CCDC30: variants seen among roughly 807,000 people sequenced by gnomAD.
CCDC30 encodes coiled-coil domain containing 30.
A neutral mutation model predicts 100.2 loss-of-function variants in CCDC30; 70 were observed. The observed-to-expected ratio is 0.70, with a 90% CI of 0.58 to 0.85. The LOEUF is 0.85. Ranked by LOEUF, CCDC30 falls within the 40% of genes least tolerant of loss-of-function variation. The probability of loss-of-function intolerance (pLI) is 0.00; values close to 1 mark genes in which losing one functional copy is unlikely to be tolerated. For missense variants in CCDC30, 652 were observed against 771.2 expected (o/e 0.85, Z 1.83); for synonymous variants, 233 against 269.5 (o/e 0.86, Z 1.33).
At chr1:42,593,123 G>C (rs1262121053) in intron 10 of CCDC30, 2 of 152,160 alleles carry the variant, frequency 1.3e-5, no homozygotes, top group African/African-American at 4.8e-5. Flanking sequence ...CAGATCCCAT[G>C]AGTTAAGCTC....
chr1:42,581,268 T>G lies in CCDC30; in HGVS notation c.847-92T>G, dbSNP rs888450403. 10 of 906,180 alleles carry G rather than the reference T, an allele frequency of 1.1e-5. No homozygotes were observed. In the African/African-American group the frequency reaches 1.7e-4, roughly 15 times the overall value. 56.1% of individuals were successfully genotyped at this position (906,180 alleles called of 1,614,324 possible). A position where few individuals can be genotyped will look rare whatever the true frequency, so the allele number is the denominator to read the frequency against. On this transcript the variant is annotated intron_variant, in intron 8 of 16. Coordinates refer to ENST00000668663, the Ensembl canonical transcript of CCDC30. ...TCAGGTCAGATTAATATGTTAGCACTGCTATGTTTGCTATTTATATGTTAT... is the reference window on the plus strand; with the variant it reads ...TCAGGTCAGATTAATATGTTAGCACGGCTATGTTTGCTATTTATATGTTAT...
intron 6 of CCDC30, among the ~76,000 whole-genome samples, chr1:42,503,538 C>T (rs920439326): frequency 3.3e-5 from 5 of 152,304 alleles, no homozygotes; most frequent in East Asian, 1.9e-4. Context: ...ACTTGGCCAG[C>T]GCCATCTTGT....
chr1:42,601,753 C>T (rs369651206), intron 10 of CCDC30, among the ~76,000 whole-genome samples: 2 of 152,158 alleles, frequency 1.3e-5, no homozygotes, highest in African/African-American at 4.8e-5. Context: ...AATAACTAAT[C>T]CTTCAATGTG....
intron 9 of CCDC30, among the ~76,000 whole-genome samples, chr1:42,586,920 CT>C (rs1646082019): frequency 1.3e-5 from 2 of 152,228 alleles, no homozygotes; most frequent in South Asian, 4.1e-4. Context: ...GTTTGTTAGT[CT>C]TTTATTTTTC....
intron 6 of CCDC30, among the ~76,000 whole-genome samples, chr1:42,510,422 G>A (rs1644459163): frequency 6.6e-6 from 1 of 152,110 alleles, no homozygotes; most frequent in African/African-American, 2.4e-5. Flanking sequence ...ACTTTGGGGG[G>A]CCAAGGTGGG....
intron 6 of CCDC30, among the ~76,000 whole-genome samples, chr1:42,546,988 G>T (rs907829975): frequency 1.3e-5 from 2 of 152,110 alleles, no homozygotes; most frequent in Non-Finnish European, 2.9e-5. Context: ...TGTAGACAAA[G>T]TTATATCTTT....
chr1:42,565,692 T>C (rs2148564231), intron 6 of CCDC30, among the ~76,000 whole-genome samples: 1 of 152,278 alleles, frequency 6.6e-6, no homozygotes, highest in African/African-American at 2.4e-5. Context: ...CAGGTATATA[T>C]CCAAGGGATA....
the CCDC30 span, among the ~76,000 whole-genome samples, chr1:42,457,732 C>T: frequency 2.0e-5 from 3 of 152,128 alleles, no homozygotes; most frequent in East Asian, 5.8e-4. Flanking sequence ...GAGGGCAGAT[C>T]GCCTGAGGTC....
chr1:42,457,521 G>T, the CCDC30 span: 2 of 626,684 alleles, frequency 3.2e-6, no homozygotes, highest in Admixed American at 5.6e-5. Context: ...TGAGGGAGCT[G>T]GACACAGACA....
At chr1:42,618,277 C>T (rs1190934318) in intron 11 of CCDC30, among the ~76,000 whole-genome samples, 1 of 121,640 alleles carries the variant, frequency 8.2e-6, no homozygotes, top group African/African-American at 3.3e-5. Flanking sequence ...GCTCTTGTTG[C>T]CCAGGCTGGA....
intron 6 of CCDC30, among the ~76,000 whole-genome samples, chr1:42,522,719 A>G (rs1644666977): frequency 6.6e-6 from 1 of 152,232 alleles, no homozygotes; most frequent in Non-Finnish European, 1.5e-5. Context: ...CTAAAAAATA[A>G]ATGAATCTTT....
chr1:42,503,227 C>T (rs759034600), intron 6 of CCDC30, among the ~76,000 whole-genome samples: 8 of 152,064 alleles, frequency 5.3e-5, no homozygotes, highest in Admixed American at 2.6e-4. Flanking sequence ...ACCTGGGGTT[C>T]GTCATCTTAC....
intron 6 of CCDC30, 93 bp downstream of exon 6, chr1:42,499,009 C>A: frequency 1.7e-6 from 1 of 572,180 alleles, no homozygotes; most frequent in Non-Finnish European, 2.6e-6. Context: ...TAATCATTTG[C>A]TACTCTTTCT....
chr1:42,523,951 A>G (rs72659946), intron 6 of CCDC30, among the ~76,000 whole-genome samples: 19,830 of 151,950 alleles, frequency 0.13, 1,489 homozygotes, highest in East Asian at 0.19. Flanking sequence ...TAGGTTTTCT[A>G]TCTCTTTACT....
At chr1:42,458,490 GA>G (rs1224139613), upstream of CCDC30, among the ~76,000 whole-genome samples, 1 of 152,204 alleles carries the variant, frequency 6.6e-6, no homozygotes, top group Non-Finnish European at 1.5e-5. Flanking sequence ...AGGACTTAGA[GA>G]TGAAAGCAGT....
chr1:42,521,865 G>A (rs188247754), intron 6 of CCDC30, among the ~76,000 whole-genome samples: 1 of 152,008 alleles, frequency 6.6e-6, no homozygotes, highest in Non-Finnish European at 1.5e-5. Context: ...TTAGTATAGT[G>A]TAGTAATTTC....
At chr1:42,457,498 C>T in the CCDC30 span, 1 of 673,384 alleles carries the variant, frequency 1.5e-6, no homozygotes, top group South Asian at 1.7e-5. Context: ...CCCTCATGGA[C>T]CTCACAATCT....
chr1:42,476,199 T>C (rs1643879401), intron 1 of CCDC30, among the ~76,000 whole-genome samples: 1 of 118,800 alleles, frequency 8.4e-6, no homozygotes, highest in Non-Finnish European at 2.0e-5. Context: ...TCTTTGAACA[T>C]GGGAATTTCA....
intron 13 of CCDC30, among the ~76,000 whole-genome samples, chr1:42,643,428 G>A (rs1647620567): frequency 6.6e-6 from 1 of 152,170 alleles, no homozygotes; most frequent in South Asian, 2.1e-4. Flanking sequence ...ACACGTCTCT[G>A]GGCAGGCTTG....
Sources: allele counts gnomAD v4.1 joint callset (sites outside exome capture counted in the v4.1 genomes callset), GRCh38; gene constraint gnomAD v4.1.1; transcripts MANE v1.5; gene names NCBI Gene and HGNC (gene_info 2026-07-23, HGNC 2026-07-21).